Variants in TOP3A observed in about 807,000 individuals in gnomAD.
TOP3A encodes DNA topoisomerase III alpha, also known as DNA topoisomerase 3-alpha.
TOP3A carries 64 observed loss-of-function variants against 111.3 expected under a neutral mutation model. That is an observed-to-expected ratio of 0.57 (90% CI 0.47 to 0.71). The LOEUF (loss-of-function observed/expected upper bound fraction) is 0.71. TOP3A is among the 30% of genes least tolerant of loss of function. The pLI is 0.00. For synonymous variants in TOP3A, 484 were observed against 485.1 expected, an observed-to-expected ratio of 1.00 and a Z score of 0.03; for missense variants, 1,104 against 1,285.0, an observed-to-expected ratio of 0.86 and a Z score of 2.15.
chr17:18,308,972 A>G (rs1350632915), intron 1 of TOP3A, 31 bp from the exon 2 acceptor site: 3 of 1,233,914 alleles, frequency 2.4e-6, no homozygotes, highest in Non-Finnish European at 3.4e-6. Context: ...AAAAATATAA[A>G]TTACGTTTAA....
At chr17:18,294,813 G>A (rs1980694074) in intron 9 of TOP3A, 28 bp from the exon 10 acceptor site, 1 of 1,509,180 alleles carries the variant, frequency 6.6e-7, no homozygotes, top group African/African-American at 1.4e-5. Flanking sequence ...AGGCATGTTA[G>A]GTGTACTGCA....
intron 13 of TOP3A, among the ~76,000 whole-genome samples, chr17:18,288,083 C>T (rs183326427): frequency 1.4e-5 from 2 of 146,510 alleles, no homozygotes; most frequent in East Asian, 4.0e-4. Flanking sequence ...GTACATTATA[C>T]ATTTGAAGGA....
chr17:18,289,538 G>T (rs904676562), intron 13 of TOP3A, among the ~76,000 whole-genome samples: 3 of 152,126 alleles, frequency 2.0e-5, no homozygotes, highest in African/African-American at 4.8e-5. Flanking sequence ...TCAGCCTCCT[G>T]AAGTGTTGGG....
At chr17:18,311,408 C>G (rs1447068084) in intron 1 of TOP3A, among the ~76,000 whole-genome samples, 4 of 152,148 alleles carry the variant, frequency 2.6e-5, no homozygotes, top group Admixed American at 2.6e-4. Flanking sequence ...ATTCTCCTGC[C>G]TCAGCCTCGT....
chr17:18,274,729 G>A lies in TOP3A; in HGVS notation c.*73C>T. On this transcript the variant is annotated 3_prime_UTR_variant, in exon 19 of 19. Coordinates refer to ENST00000321105, the MANE Select transcript of TOP3A (RefSeq NM_004618.5). Reference sequence around the variant, plus strand: ...TTCCAGGACACTAAATGGCCACTTGGTCCTGGTTAACTCATTTCTAAACAC... The same window carrying A: ...TTCCAGGACACTAAATGGCCACTTGATCCTGGTTAACTCATTTCTAAACAC... 1 of 1,545,266 alleles carries A rather than the reference G, an allele frequency of 6.5e-7. No homozygotes were observed.
chr17:18,286,825 G>A (rs1597963840), intron 13 of TOP3A, among the ~76,000 whole-genome samples: 3 of 152,244 alleles, frequency 2.0e-5, no homozygotes, highest in Admixed American at 2.0e-4. Context: ...ATTTATAATA[G>A]CCAAAGAGTA....
chr17:18,280,730 C>T (rs1979708105), intron 16 of TOP3A, 72 bp from the exon 17 acceptor site: 1 of 1,566,466 alleles, frequency 6.4e-7, no homozygotes. Context: ...TCAGCTAAGG[C>T]AGCCTTTCCT....
At chr17:18,296,309 C>T (rs1442945138) in intron 9 of TOP3A, among the ~76,000 whole-genome samples, 1 of 151,688 alleles carries the variant, frequency 6.6e-6, no homozygotes. Context: ...CAGCTGGGCA[C>T]GGTGGGTCAT....
chr17:18,306,560 G>T lies in TOP3A; in HGVS notation c.390+331C>A, dbSNP rs565876062. The T allele has an allele frequency of 1.3e-3, 256 of 195,640 alleles. 1 individual carries two copies. Among genetic ancestry groups the T allele is most frequent in the African/African-American group, 5.6e-3 (237 of 42,376 alleles). 12.1% of individuals were successfully genotyped at this position (195,640 alleles called of 1,614,324 possible). ...TTTTTTTTTTTTTTTGAGAGATAGGGTCTCACTATGTTGCCCAGGCTGGTC... is the reference window on the plus strand; with the variant it reads ...TTTTTTTTTTTTTTTGAGAGATAGGTTCTCACTATGTTGCCCAGGCTGGTC... On this transcript the variant is annotated intron_variant, in intron 4 of 18. Coordinates refer to ENST00000321105, the MANE Select transcript of TOP3A (RefSeq NM_004618.5).
intron 4 of TOP3A, chr17:18,306,538 TTTTTTTTTTTTGAGAGATAGGGTC>T (rs2142989694): frequency 5.4e-6 from 1 of 183,584 alleles, no homozygotes; most frequent in African/African-American, 2.4e-5. Flanking sequence ...GGTTAAATTT[TTTTTTTTTTTTGAGAGATAGGGTC>T]TCACTATGTT....
intron 13 of TOP3A, among the ~76,000 whole-genome samples, chr17:18,290,344 C>G (rs1357893802): frequency 6.6e-6 from 1 of 152,190 alleles, no homozygotes; most frequent in Non-Finnish European, 1.5e-5. Flanking sequence ...TTTAAGAGCA[C>G]TGACTGTGGA....
intron 8 of TOP3A, 119 bp from the exon 9 acceptor site, chr17:18,299,752 A>AGT (rs1399576024): frequency 1.1e-6 from 1 of 904,010 alleles, no homozygotes; most frequent in African/African-American, 1.6e-5. Flanking sequence ...CTAAGCCCGC[A>AGT]GTGACAGCCT....
intron 1 of TOP3A, among the ~76,000 whole-genome samples, chr17:18,311,386 CG>C (rs1271351863): frequency 6.6e-6 from 1 of 152,086 alleles, no homozygotes; most frequent in East Asian, 1.9e-4. Context: ...CTCCACTTCC[CG>C]GGTTGAAGCG....
At chr17:18,276,583 G>A (rs893296294) in intron 18 of TOP3A, among the ~76,000 whole-genome samples, 5 of 152,192 alleles carry the variant, frequency 3.3e-5, no homozygotes, top group Non-Finnish European at 5.9e-5. Flanking sequence ...TGTAGGCAGG[G>A]ACCATCTTGT....
Position 18,274,947 on chromosome 17 carries a change from C to A in TOP3A, c.2861G>T (p.Arg954Ile), listed in dbSNP as rs1979243026. Residue 954 changes from arginine to isoleucine, a missense_variant, in exon 19 of 19, where the codon AGA becomes ATA. By Grantham distance (97) the Arg-to-Ile change is moderately conservative (BLOSUM62 -3). Coordinates refer to ENST00000321105, the MANE Select transcript of TOP3A (RefSeq NM_004618.5). ...GGCTTCCGACTCCAGGGTTCTTCCT[C>A]TGTCTCCTGTCCAGGACGGGGCTCC... ...TSGAPSWTGD[R>I]GRTLESEARS... 1 of 1,614,136 alleles carries A rather than the reference C, an allele frequency of 6.2e-7. No homozygotes were observed. The highest frequency in any genetic ancestry group is 1.3e-5 in the African/African-American group (1 of 75,052).
Position 18,277,601 on chromosome 17 carries a change from T to TCTG in TOP3A, c.2827+71_2827+73dup. On this transcript the variant is annotated intron_variant, in intron 18 of 18. Coordinates refer to ENST00000321105, the MANE Select transcript of TOP3A (RefSeq NM_004618.5). ...CACCATGACCCTGCCTTGCCTTCTT[T>TCTG]CTGCTGTCCCCAGTCTCTGAGGTAA... is the stretch of plus-strand genomic sequence containing the variant. 1.4e-5 allele frequency: 21 copies of TCTG among 1,519,398 alleles called. 1 individual carries two copies. The South Asian group carries it at 2.6e-4, about 19-fold the overall frequency. 94.1% of individuals were successfully genotyped at this position (1,519,398 alleles called of 1,614,324 possible).
At chr17:18,298,022 G>A (rs1472212847) in intron 9 of TOP3A, among the ~76,000 whole-genome samples, 4 of 149,402 alleles carry the variant, frequency 2.7e-5, no homozygotes, top group Admixed American at 2.0e-4. Flanking sequence ...AGTGAGGAGC[G>A]TCTCTGCCCG....
intron 17 of TOP3A, among the ~76,000 whole-genome samples, chr17:18,279,783 A>AT (rs776893347): frequency 1.3e-4 from 19 of 151,808 alleles, no homozygotes; most frequent in Non-Finnish European, 2.7e-4. Flanking sequence ...GACCTCTAGG[A>AT]TCAAGCGATC....
intron 9 of TOP3A, among the ~76,000 whole-genome samples, chr17:18,295,928 TG>T (rs1282386140): frequency 1.3e-5 from 2 of 151,728 alleles, no homozygotes; most frequent in African/African-American, 4.8e-5. Context: ...CCACCACGCC[TG>T]GCTGATTTTT....
Sources: allele counts gnomAD v4.1 joint callset (sites outside exome capture counted in the v4.1 genomes callset), GRCh38; gene constraint gnomAD v4.1.1; transcripts MANE v1.5; gene names NCBI Gene and HGNC (gene_info 2026-07-23, HGNC 2026-07-21).